Variants in CELSR1 observed in about 807,000 individuals in gnomAD.
The protein encoded by CELSR1 is cadherin EGF LAG seven-pass G-type receptor 1.
CELSR1 carries 110 observed loss-of-function variants against 249.1 expected under a neutral mutation model. That is an observed-to-expected ratio of 0.44 (90% CI 0.38 to 0.52). The LOEUF is 0.52. Ranked by LOEUF, CELSR1 falls within the 20% of genes least tolerant of loss-of-function variation. The probability of loss-of-function intolerance (pLI) is 0.00; values close to 1 mark genes in which losing one functional copy is unlikely to be tolerated. For missense variants in CELSR1, 4,109 were observed against 4,296.4 expected, an observed-to-expected ratio of 0.96 and a Z score of 1.22; for synonymous variants, 2,113 against 1,900.0, an observed-to-expected ratio of 1.11 and a Z score of -2.92.
intron 9 of CELSR1, among the ~76,000 whole-genome samples, chr22:46,404,804 G>A (rs1354349806): frequency 1.3e-5 from 2 of 151,782 alleles, no homozygotes; most frequent in African/African-American, 4.8e-5. Context: ...GTTATTTTAA[G>A]AAGATAACTT....
In CELSR1 at chr22:46,393,751, A is replaced by AT. The variant is rs1421938189; in HGVS notation, c.5964+390_5964+391insA. Among the ~76,000 whole-genome samples the AT allele has an allele frequency of 1.3e-5, 2 of 151,914 alleles. No individual in the cohort carries two copies. The highest frequency in any genetic ancestry group is 2.9e-5 in the Non-Finnish European group (2 of 67,948). On this transcript the variant is annotated intron_variant, in intron 14 of 34. Transcript: ENST00000674500. This position sits in a 1 kb window ranked among gnomAD's most constrained non-coding sequence, Gnocchi z 4.1. ...AGACTCTGTCTCAAAAAAAAAAAAA[A>AT]AAAGACCAGGAAAATGGCCAACCAG...
Position 46,363,815 on chromosome 22 carries a change from G to A in CELSR1, c.9035+181C>T, listed in dbSNP as rs570405556. ...AGGATAGGGGGTCTGCCCATCTCCG[G>A]GGTATCCTCCTGACCTCAGCTGCAG... is the stretch of plus-strand genomic sequence containing the variant. On this transcript the variant is annotated intron_variant, in intron 34 of 34. Transcript: ENST00000674500. This position sits in a 1 kb window ranked among gnomAD's most constrained non-coding sequence, Gnocchi z 4.3. The A allele has an allele frequency of 3.8e-6, 3 of 791,812 alleles. No individual in the cohort carries two copies. The East Asian group carries it at 8.5e-5, about 22-fold the overall frequency. 49.0% of individuals were successfully genotyped at this position (791,812 alleles called of 1,614,324 possible). A position where few individuals can be genotyped will look rare whatever the true frequency, so the allele number is the denominator to read the frequency against.
At position 46,537,039 on chromosome 22, in the gene CELSR1, G is replaced by C; in HGVS notation, c.132C>G (p.Leu44=). 1 of 1,096,476 alleles carries C rather than the reference G, an allele frequency of 9.1e-7. No homozygotes were observed. Among genetic ancestry groups the C allele is most frequent in the African/African-American group, 1.7e-5 (1 of 59,558 alleles). The allele number at this position is 1,096,476 out of a possible 1,614,324, so 67.9% of individuals were successfully genotyped here. A position where few individuals can be genotyped will look rare whatever the true frequency, so the allele number is the denominator to read the frequency against. ...CCACCGCGTAGGTACAGCCGGGCCG[G>C]AGGGCGAAGGCGCGGGTCCCGCCGG... ...RVPGGTRAFA[L]RPGCTYAVGA... Residue 44 remains leucine, a synonymous_variant, in exon 1 of 35, where the codon CTC becomes CTG. Coordinates refer to ENST00000674500, the MANE Select transcript of CELSR1 (RefSeq NM_001378328.1). This position sits in a 1 kb window ranked among gnomAD's most constrained non-coding sequence, Gnocchi z 5.8.
chr22:46,502,457 A>C (rs1424613505), intron 1 of CELSR1, among the ~76,000 whole-genome samples: 1 of 102,880 alleles, frequency 9.7e-6, no homozygotes, highest in South Asian at 3.9e-4. Context: ...TGGAAAGAAG[A>C]GGGAAGGGGA....
In CELSR1 at chr22:46,419,079, A is replaced by G. The variant is rs1289571356; in HGVS notation, c.4612-7320T>C. Reference sequence around the variant, plus strand: ...GCACCGTGCCAGCCCCCACTGAGCCAGACCCTGGACCAAAGCCCCCAGTTC... The same window carrying G: ...GCACCGTGCCAGCCCCCACTGAGCCGGACCCTGGACCAAAGCCCCCAGTTC... On this transcript the variant is annotated intron_variant, in intron 5 of 34. Transcript: ENST00000674500. 2.0e-5 allele frequency among the ~76,000 whole-genome samples: 3 copies of G among 152,140 alleles called. No homozygotes were observed. In the East Asian group the frequency reaches 5.8e-4, roughly 29 times the overall value.
Position 46,440,682 on chromosome 22 carries a change from T to A in CELSR1, c.4184-1271A>T, listed in dbSNP as rs1169835639. 6.6e-6 allele frequency among the ~76,000 whole-genome samples: 1 copy of A among 152,250 alleles called. No individual in the cohort carries two copies. Among genetic ancestry groups the A allele is most frequent in the South Asian group, 2.1e-4 (1 of 4,834 alleles). On this transcript the variant is annotated intron_variant, in intron 2 of 34. Coordinates refer to ENST00000674500, the MANE Select transcript of CELSR1 (RefSeq NM_001378328.1). The surrounding 1 kb of genome is among the most constrained non-coding windows in gnomAD (Gnocchi z 4.7). ...GTTTTTGGTCCTGCTCTTATTGTGTTATAGAAGCTCCTCGTAAATTATGGA... is the reference window on the plus strand; with the variant it reads ...GTTTTTGGTCCTGCTCTTATTGTGTAATAGAAGCTCCTCGTAAATTATGGA...
chr22:46,417,511 C>G lies in CELSR1; in HGVS notation c.4612-5752G>C, dbSNP rs142560375. ...TTTTGATGACCTGGCTCGAAGGGTG[C>G]GGTATTCCCCCAGGGCTGTCAGCAG... On this transcript the variant is annotated intron_variant, in intron 5 of 34. Transcript: ENST00000674500. The surrounding 1 kb of genome is among the most constrained non-coding windows in gnomAD (Gnocchi z 4.1). 6.6e-6 allele frequency among the ~76,000 whole-genome samples: 1 copy of G among 152,158 alleles called. No individual in the cohort carries two copies. Among genetic ancestry groups the G allele is most frequent in the Non-Finnish European group, 1.5e-5 (1 of 68,040 alleles).
chr22:46,537,024 G>A lies in CELSR1; in HGVS notation c.147C>T (p.Thr49=). ...GCGTGCAAGCGGCGCCCACCGCGTA[G>A]GTACAGCCGGGCCGGAGGGCGAAGG... The part of the protein sequence containing the change: ...TRAFALRPGC[T]YAVGAACTPR... The change falls in exon 1 of 35, where the codon ACC becomes ACT. Residue 49 remains threonine, a synonymous_variant. Transcript: ENST00000674500. This position sits in a 1 kb window ranked among gnomAD's most constrained non-coding sequence, Gnocchi z 5.8. 1 of 1,103,588 alleles carries A rather than the reference G, an allele frequency of 9.1e-7. No individual in the cohort carries two copies. Among genetic ancestry groups the A allele is most frequent in the Non-Finnish European group, 1.1e-6 (1 of 906,816 alleles). 68.4% of individuals were successfully genotyped at this position (1,103,588 alleles called of 1,614,324 possible).
At position 46,363,195 on chromosome 22, in the gene CELSR1, T is replaced by C. The variant is rs1602014672; in HGVS notation, c.*28A>G. The C allele has an allele frequency of 1.3e-5, 20 of 1,579,026 alleles. No homozygotes were observed. In the East Asian group the frequency reaches 4.2e-4, roughly 33 times the overall value. On this transcript the variant is annotated 3_prime_UTR_variant, in exon 35 of 35. Coordinates refer to ENST00000674500, the MANE Select transcript of CELSR1 (RefSeq NM_001378328.1). The surrounding 1 kb of genome is among the most constrained non-coding windows in gnomAD (Gnocchi z 4.3). ...GGCTTGCCTCACGGTTTCCTGATGG[T>C]TCAAATTGAAGTTTCATTACTGATG...
At chr22:46,400,595 C>T (rs1014817248) in intron 9 of CELSR1, among the ~76,000 whole-genome samples, 4 of 151,930 alleles carry the variant, frequency 2.6e-5, no homozygotes, top group African/African-American at 9.7e-5. Context: ...GAGCCGAGAT[C>T]GCGCCACTGC....
At position 46,448,608 on chromosome 22, in the gene CELSR1, C is replaced by T. The variant is rs2079847484; in HGVS notation, c.4184-9197G>A. 2.3e-6 allele frequency: 1 copy of T among 426,106 alleles called. No homozygotes were observed. Among genetic ancestry groups the T allele is most frequent in the South Asian group, 1.8e-5 (1 of 56,824 alleles). The allele number at this position is 426,106 out of a possible 1,614,324, so 26.4% of individuals were successfully genotyped here. A position where few individuals can be genotyped will look rare whatever the true frequency, so the allele number is the denominator to read the frequency against. ...CTAGAAAAACTAGAATTTCCAAAGG[C>T]CACAATGGTAAAACTCAAGCACTTG... On this transcript the variant is annotated intron_variant, in intron 2 of 34. Coordinates refer to ENST00000674500, the MANE Select transcript of CELSR1 (RefSeq NM_001378328.1). The surrounding 1 kb of genome is among the most constrained non-coding windows in gnomAD (Gnocchi z 5.7).
rs115710658 is a variant in CELSR1 at position 46,408,895 on chromosome 22, G to A, written c.5226+101C>T. On this transcript the variant is annotated intron_variant, in intron 9 of 34. Coordinates refer to ENST00000674500, the MANE Select transcript of CELSR1 (RefSeq NM_001378328.1). The surrounding 1 kb of genome is among the most constrained non-coding windows in gnomAD (Gnocchi z 4.6). ...CAGGGGCGGGCGCCGGAGGAAGGGC[G>A]AGTAGCAGGTGCCCGAGTGTGCACC... is the stretch of plus-strand genomic sequence containing the variant. 363 of 937,918 alleles carry A rather than the reference G, an allele frequency of 3.9e-4. 1 individual carries two copies. In the African/African-American group the frequency reaches 4.5e-3, roughly 12 times the overall value. 58.1% of individuals were successfully genotyped at this position (937,918 alleles called of 1,614,324 possible). A position where few individuals can be genotyped will look rare whatever the true frequency, so the allele number is the denominator to read the frequency against.
rs2080164157 is a variant in CELSR1, at chr22:46,472,325, G to A, written c.3545-7980C>T. ...AGTAAGATAAAGGTTATCTGCAATT[G>A]TGTTCCCCATGGTGGGCTCATGCTG... is the stretch of plus-strand genomic sequence containing the variant. On this transcript the variant is annotated intron_variant, in intron 1 of 34. Coordinates refer to ENST00000674500, the MANE Select transcript of CELSR1 (RefSeq NM_001378328.1). The surrounding 1 kb of genome is among the most constrained non-coding windows in gnomAD (Gnocchi z 7.0). Among the ~76,000 whole-genome samples the A allele has an allele frequency of 6.6e-6, 1 of 152,200 alleles. No homozygotes were observed. Among genetic ancestry groups the A allele is most frequent in the Non-Finnish European group, 1.5e-5 (1 of 68,036 alleles).
intron 4 of CELSR1, among the ~76,000 whole-genome samples, chr22:46,435,251 C>T (rs561608323): frequency 1.4e-5 from 2 of 143,116 alleles, no homozygotes; most frequent in African/African-American, 5.2e-5. Context: ...CTTGCCTGGC[C>T]AGCCTTGTCC....
At chr22:46,420,841 G>T (rs987918178) in intron 5 of CELSR1, among the ~76,000 whole-genome samples, 5 of 152,136 alleles carry the variant, frequency 3.3e-5, no homozygotes, top group African/African-American at 1.2e-4. Flanking sequence ...CTCAGTATCT[G>T]TGTGATAAGG....
At position 46,526,229 on chromosome 22, in the gene CELSR1, T is replaced by C. The variant is rs184879380; in HGVS notation, c.3544+7398A>G. On this transcript the variant is annotated intron_variant, in intron 1 of 34. Transcript: ENST00000674500. This position sits in a 1 kb window ranked among gnomAD's most constrained non-coding sequence, Gnocchi z 4.7. ...CAGAGAGAGGCAGAAGTTACTGTCC[T>C]GGCAAACCCGTCTACGAAGCTTGGC... 3.9e-4 allele frequency among the ~76,000 whole-genome samples: 59 copies of C among 152,314 alleles called. No individual in the cohort carries two copies. The highest frequency in any genetic ancestry group is 1.3e-3 in the African/African-American group (54 of 41,574).
At chr22:46,389,587 G>C (rs766842625) in intron 17 of CELSR1, 88 bp from the exon 18 acceptor site, 42 of 1,340,198 alleles carry the variant, frequency 3.1e-5, no homozygotes, top group Non-Finnish European at 4.3e-5. Flanking sequence ...CTACTGTCTG[G>C]TGCAAGTTTC....
At chr22:46,415,452 C>T (rs9626868) in intron 5 of CELSR1, among the ~76,000 whole-genome samples, 5,083 of 152,180 alleles carry the variant, frequency 0.033, 275 homozygotes, top group African/African-American at 0.11. Flanking sequence ...ACCATCCAGC[C>T]TGGGTGATGA....
chr22:46,390,394 T>A lies in CELSR1; in HGVS notation c.6343A>T (p.Met2115Leu). The A allele has an allele frequency of 1.2e-6, 2 of 1,612,178 alleles. No homozygotes were observed. Among genetic ancestry groups the A allele is most frequent in the Non-Finnish European group, 1.7e-6 (2 of 1,179,100 alleles). Reference sequence around the variant, plus strand: ...ACACATCCCCGAGGCGCCCCTACCATGGCCCTGAGGTCCACGAAGGAGATG... The same window carrying A: ...ACACATCCCCGAGGCGCCCCTACCAAGGCCCTGAGGTCCACGAAGGAGATG... Reference protein sequence around the residue: ...TTISFVDLRAMNEKLSRNETQ... With the variant: ...TTISFVDLRALNEKLSRNETQ... The change falls in exon 17 of 35, where the codon ATG (methionine) becomes TTG (leucine). Residue 2115 changes from methionine (M) to leucine (L), a missense_variant and splice_region_variant. Around this residue, in one of 7 missense-constraint regions of CELSR1, gnomAD observed 1,805 missense variants for 1,831.6 expected, o/e 0.99. Coordinates refer to ENST00000674500, the MANE Select transcript of CELSR1 (RefSeq NM_001378328.1). The surrounding 1 kb of genome is among the most constrained non-coding windows in gnomAD (Gnocchi z 6.3).
Sources: allele counts gnomAD v4.1 joint callset (sites outside exome capture counted in the v4.1 genomes callset), GRCh38; gene constraint gnomAD v4.1.1; regional missense constraint gnomAD v4.1.1; non-coding constraint Gnocchi (gnomAD v3.1); transcripts MANE v1.5; gene names NCBI Gene and HGNC (gene_info 2026-07-23, HGNC 2026-07-21).